The following NAV3 variants were observed in gnomAD, a reference collection of about 807,000 sequenced individuals.
The protein encoded by NAV3 is neuron navigator 3, also known as pore membrane and/or filament interacting like protein 1.
Under a neutral mutation model 244.7 loss-of-function variants are expected in NAV3, and 87 were observed. That is an observed-to-expected ratio of 0.36 (90% CI 0.30 to 0.42). The LOEUF (loss-of-function observed/expected upper bound fraction) is 0.42. Among genes scored for constraint, NAV3 ranks in the 20% least tolerant of loss-of-function variants. The pLI, the probability that NAV3 is intolerant of heterozygous loss-of-function variation, is 1.00. For synonymous variants in NAV3, 1,126 were observed against 1,042.2 expected, an observed-to-expected ratio of 1.08 and a Z score of -1.55; for missense variants, 2,663 against 2,893.3, an observed-to-expected ratio of 0.92 and a Z score of 1.83.
At chr12:78,132,788 TA>T (rs1323599149) in intron 18 of NAV3, among the ~76,000 whole-genome samples, 1 of 152,132 alleles carries the variant, frequency 6.6e-6, no homozygotes, top group East Asian at 1.9e-4. Context: ...GCTCTAAAAC[TA>T]AAATCCCATC....
At chr12:77,737,484 C>T (rs751265462) in intron 2 of NAV3, among the ~76,000 whole-genome samples, 3 of 151,692 alleles carry the variant, frequency 2.0e-5, no homozygotes, top group African/African-American at 4.9e-5. Flanking sequence ...GGGATATAGG[C>T]GTTGACACAA....
At chr12:77,885,851 C>CTCA (rs1431059015) in intron 1 of NAV3, among the ~76,000 whole-genome samples, 1 of 152,106 alleles carries the variant, frequency 6.6e-6, no homozygotes, top group Non-Finnish European at 1.5e-5. Flanking sequence ...TACCATTCTT[C>CTCA]TCACCTTTCT....
chr12:78,034,995 G>A (rs1185739529), intron 9 of NAV3, among the ~76,000 whole-genome samples: 1 of 152,014 alleles, frequency 6.6e-6, no homozygotes, highest in African/African-American at 2.4e-5. Context: ...GCAGAATTTT[G>A]TCACAAATAA....
chr12:77,650,300 A>C (rs1872768272), intron 2 of NAV3, among the ~76,000 whole-genome samples: 1 of 152,158 alleles, frequency 6.6e-6, no homozygotes, highest in Non-Finnish European at 1.5e-5. Context: ...CAATCGGGGA[A>C]GTTAACCCTC....
chr12:77,892,418 A>ATT (rs201721386), intron 1 of NAV3, among the ~76,000 whole-genome samples: 3 of 143,018 alleles, frequency 2.1e-5, no homozygotes, highest in East Asian at 2.0e-4. Context: ...GACCATTTGA[A>ATT]TTTTTTTTTT....
chr12:77,688,681 A>T (rs1874867974), intron 2 of NAV3, among the ~76,000 whole-genome samples: 1 of 151,978 alleles, frequency 6.6e-6, no homozygotes. Context: ...CAGGCTATTT[A>T]TGACTTTTGA....
At chr12:77,988,885 G>C (rs2136332755) in intron 5 of NAV3, among the ~76,000 whole-genome samples, 1 of 152,216 alleles carries the variant, frequency 6.6e-6, no homozygotes, top group East Asian at 1.9e-4. Context: ...CTGGGAAATG[G>C]TATTACAAGC....
chr12:78,025,026 C>T (rs1202087569), intron 9 of NAV3, among the ~76,000 whole-genome samples: 1 of 151,730 alleles, frequency 6.6e-6, no homozygotes, highest in African/African-American at 2.4e-5. Flanking sequence ...CCAAATTTGT[C>T]CTCAAGTACT....
intron 2 of NAV3, among the ~76,000 whole-genome samples, chr12:77,785,943 T>C (rs1870884885): frequency 6.6e-6 from 1 of 152,210 alleles, no homozygotes; most frequent in African/African-American, 2.4e-5. Context: ...GAGATGTTTG[T>C]TACATTCAAC....
At chr12:78,100,196 A>C (rs1954468700) in intron 12 of NAV3, among the ~76,000 whole-genome samples, 1 of 151,978 alleles carries the variant, frequency 6.6e-6, no homozygotes, top group Admixed American at 6.6e-5. Context: ...GTTTATATGA[A>C]TTTCTAGGTT....
At chr12:77,804,767 T>C (rs567603673) in intron 2 of NAV3, among the ~76,000 whole-genome samples, 1 of 152,286 alleles carries the variant, frequency 6.6e-6, no homozygotes, top group South Asian at 2.1e-4. Context: ...TTGGGCAGTA[T>C]GGCCATTTTC....
chr12:77,991,658 GA>G lies in NAV3; in HGVS notation c.672-3141del, dbSNP rs368669858. Among the ~76,000 whole-genome samples the G allele has an allele frequency of 1.3e-3, 199 of 152,286 alleles. 2 individuals are homozygous for G. The highest frequency in any genetic ancestry group is 4.4e-3 in the African/African-American group (184 of 41,568). On this transcript the variant is annotated intron_variant, in intron 5 of 39. Transcript: ENST00000397909. The stretch of plus-strand genomic sequence containing the variant: ...GCATGAGTAAAGGCACAGAAAAATA[GA>G]AAAGTACAAGTGAGATAAAAACCCC...
At chr12:78,137,673 GT>G (rs1212214171) in intron 19 of NAV3, among the ~76,000 whole-genome samples, 1 of 152,066 alleles carries the variant, frequency 6.6e-6, no homozygotes, top group South Asian at 2.1e-4. Context: ...CAGAGCAAAT[GT>G]TTTGTTTGAC....
At chr12:78,189,845 G>T in intron 33 of NAV3, 139 bp from the exon 34 acceptor site, 1 of 632,964 alleles carries the variant, frequency 1.6e-6, no homozygotes, top group Non-Finnish European at 2.7e-6. Flanking sequence ...GCATATTTGT[G>T]GGATAGAAAT....
intron 12 of NAV3, among the ~76,000 whole-genome samples, chr12:78,113,222 G>A (rs1955192844): frequency 6.6e-6 from 1 of 152,218 alleles, no homozygotes; most frequent in South Asian, 2.1e-4. Context: ...CAGGCACATG[G>A]GTGCAAGCTG....
chr12:77,688,760 A>G (rs1874872150), intron 2 of NAV3, among the ~76,000 whole-genome samples: 1 of 151,900 alleles, frequency 6.6e-6, no homozygotes, highest in Non-Finnish European at 1.5e-5. Context: ...CGGATAGATA[A>G]TGAAGGAGAG....
intron 20 of NAV3, among the ~76,000 whole-genome samples, chr12:78,140,770 C>T (rs958424831): frequency 1.3e-5 from 2 of 151,428 alleles, no homozygotes; most frequent in Admixed American, 6.6e-5. Context: ...AGAGGATTAT[C>T]GAAGGGTAAA....
At chr12:78,045,149 A>G (rs1047256775) in intron 9 of NAV3, among the ~76,000 whole-genome samples, 7 of 152,118 alleles carry the variant, frequency 4.6e-5, no homozygotes, top group African/African-American at 1.4e-4. Context: ...GGGGTGTTGA[A>G]TTTTATCGAA....
intron 2 of NAV3, among the ~76,000 whole-genome samples, chr12:77,713,120 C>T (rs1053382959): frequency 2.0e-5 from 3 of 152,132 alleles, no homozygotes; most frequent in Admixed American, 6.6e-5. Flanking sequence ...TTCAATTGAT[C>T]ACACTTCACT....
Sources: allele counts gnomAD v4.1 joint callset (sites outside exome capture counted in the v4.1 genomes callset), GRCh38; gene constraint gnomAD v4.1.1; transcripts MANE v1.5; gene names NCBI Gene and HGNC (gene_info 2026-07-23, HGNC 2026-07-21).